ITGAL: variants seen among roughly 807,000 people sequenced by gnomAD.
ITGAL encodes the protein integrin subunit alpha L, also known as integrin alpha-L.
A neutral mutation model predicts 138.4 loss-of-function variants in ITGAL; 68 were observed. That is an observed-to-expected ratio of 0.49 (90% confidence interval 0.40 to 0.60). The LOEUF (loss-of-function observed/expected upper bound fraction) is 0.60, where lower values mean the gene tolerates loss of function less well. ITGAL is among the 20% of genes least tolerant of loss of function. The probability of loss-of-function intolerance (pLI) is 0.00; values close to 1 mark genes in which losing one functional copy is unlikely to be tolerated. For missense variants in ITGAL, 1,256 were observed against 1,478.6 expected (o/e 0.85, Z 2.47); for synonymous variants, 561 against 584.3 (o/e 0.96, Z 0.57).
intron 9 of ITGAL, among the ~76,000 whole-genome samples, chr16:30,484,591 C>G (rs1483758297): frequency 1.3e-5 from 2 of 150,978 alleles, no homozygotes; most frequent in Non-Finnish European, 2.9e-5. Context: ...GCCTGGGTGG[C>G]AGAGGAAGAC....
intron 7 of ITGAL, 63 bp downstream of exon 7, chr16:30,481,647 C>T: frequency 1.3e-6 from 2 of 1,518,034 alleles, no homozygotes; most frequent in Admixed American, 1.8e-5. Flanking sequence ...CTACCCACTT[C>T]CAGCTGCAGG....
chr16:30,499,734 T>TGTGTATATATATATATATATA (rs71149033), intron 17 of ITGAL, among the ~76,000 whole-genome samples: 1 of 76,642 alleles, frequency 1.3e-5, no homozygotes, highest in Non-Finnish European at 2.2e-5. Context: ...TATATATATA[T>TGTGTATATATATATATATATA]TTTTTTTTTT....
rs34461430 is a variant in ITGAL at position 30,510,717 on chromosome 16, G to A, written c.2620-164G>A. On this transcript the variant is annotated intron_variant, in intron 22 of 30. Coordinates refer to ENST00000356798, the MANE Select transcript of ITGAL (RefSeq NM_002209.3). ...TATAGACATAACTTAACCGTCTGGA[G>A]CCTTGGTTGCCTCATCTTTGCAATG... 3.9e-5 allele frequency among the ~76,000 whole-genome samples: 6 copies of A among 152,256 alleles called. No individual in the cohort carries two copies. In the East Asian group the frequency reaches 1.2e-3, roughly 29 times the overall value.
intron 4 of ITGAL, among the ~76,000 whole-genome samples, chr16:30,478,014 A>T (rs1420060576): frequency 6.6e-6 from 1 of 151,130 alleles, no homozygotes; most frequent in Non-Finnish European, 1.5e-5. Flanking sequence ...AAAAAGAAAG[A>T]TGAAGGAAGG....
chr16:30,483,280 T>C (rs2050585847), intron 7 of ITGAL: 1 of 152,566 alleles, frequency 6.6e-6, no homozygotes, highest in South Asian at 2.1e-4. Context: ...CATGGTCCTT[T>C]CCTTGAGGAA....
intron 20 of ITGAL, 43 bp from the exon 21 acceptor site, chr16:30,506,672 C>CCTGAT (rs1314841230): frequency 6.3e-7 from 1 of 1,577,214 alleles, no homozygotes; most frequent in Non-Finnish European, 8.7e-7. Flanking sequence ...TATTCCCCAC[C>CCTGAT]CTGATCCTCC....
intron 21 of ITGAL, among the ~76,000 whole-genome samples, chr16:30,507,975 C>T (rs1211253218): frequency 6.6e-6 from 1 of 151,998 alleles, no homozygotes; most frequent in Non-Finnish European, 1.5e-5. Flanking sequence ...GTGGCGCGAT[C>T]TCGGCTCACT....
chr16:30,499,651 G>GT (rs921668744), intron 17 of ITGAL, 162 bp downstream of exon 17: 32 of 347,818 alleles, frequency 9.2e-5, no homozygotes, highest in Non-Finnish European at 1.1e-4. Flanking sequence ...TTCTTCTAGT[G>GT]TTTTTTTTAA....
At chr16:30,512,585 T>C (rs2051105949) in intron 24 of ITGAL, among the ~76,000 whole-genome samples, 1 of 143,372 alleles carries the variant, frequency 7.0e-6, no homozygotes, top group African/African-American at 2.6e-5. Flanking sequence ...AGACCCTGTG[T>C]GAAAAAAAAA....
intron 24 of ITGAL, among the ~76,000 whole-genome samples, chr16:30,513,252 C>T (rs974550860): frequency 6.6e-5 from 10 of 152,116 alleles, no homozygotes; most frequent in African/African-American, 2.2e-4. Context: ...AGGGATTGGG[C>T]AGGATTAGCC....
At chr16:30,513,990 T>G (rs1197010727) in intron 25 of ITGAL, 144 bp downstream of exon 25, 2 of 659,656 alleles carry the variant, frequency 3.0e-6, no homozygotes, top group East Asian at 2.8e-5. Flanking sequence ...TGTCACAGCC[T>G]CCACTTACAG....
intron 2 of ITGAL, 46 bp downstream of exon 2, chr16:30,474,344 C>A: frequency 7.1e-7 from 1 of 1,416,636 alleles, no homozygotes; most frequent in Non-Finnish European, 9.8e-7. Flanking sequence ...CGCCCTGGGG[C>A]AGCCCCCGAG....
At chr16:30,486,314 G>A (rs2151149355) in intron 9 of ITGAL, among the ~76,000 whole-genome samples, 1 of 151,606 alleles carries the variant, frequency 6.6e-6, no homozygotes, top group Middle Eastern at 3.4e-3. Context: ...GGAGGCTAAA[G>A]TAGGAGAATC....
In ITGAL at chr16:30,479,175, G is replaced by C. The variant is rs754149542; in HGVS notation, c.412G>C (p.Gly138Arg). The change falls in exon 5 of 31, where the codon GGT (glycine) becomes CGT (arginine). Residue 138 changes from glycine to arginine, a missense_variant. Transcript: ENST00000356798. Reference protein sequence around the residue: ...LCYLFRQNLQGPMLQGRPGFQ... With the variant: ...LCYLFRQNLQRPMLQGRPGFQ... ...TTACCTCTTCCGCCAGAATCTGCAG[G>C]GTCCCATGCTGCAGGGGCGCCCTGG... The C allele has an allele frequency of 6.2e-7, 1 of 1,614,070 alleles. No homozygotes were observed. The highest frequency in any genetic ancestry group is 1.1e-5 in the South Asian group (1 of 91,076).
chr16:30,502,630 C>G (rs1273108623), intron 17 of ITGAL, among the ~76,000 whole-genome samples: 6 of 151,170 alleles, frequency 4.0e-5, no homozygotes, highest in Non-Finnish European at 8.8e-5. Flanking sequence ...CGCCTGTAAT[C>G]CCAGCTACTC....
chr16:30,479,288 A>T, intron 5 of ITGAL, 43 bp from the exon 6 acceptor site: 1 of 1,613,448 alleles, frequency 6.2e-7, no homozygotes, highest in Non-Finnish European at 8.5e-7. Flanking sequence ...CAGGTCAAAC[A>T]CCAGAGATGC....
At chr16:30,497,275 G>A (rs1230723369) in intron 15 of ITGAL, among the ~76,000 whole-genome samples, 12 of 151,440 alleles carry the variant, frequency 7.9e-5, no homozygotes, top group Admixed American at 7.2e-4. Context: ...CCCAGGAGGC[G>A]GAGCTTGCAG....
chr16:30,497,721 C>T (rs897116636), intron 15 of ITGAL, among the ~76,000 whole-genome samples: 21 of 151,832 alleles, frequency 1.4e-4, no homozygotes, highest in Non-Finnish European at 2.4e-4. Flanking sequence ...TCAAGGGATC[C>T]GCCCGTCTCG....
intron 9 of ITGAL, chr16:30,488,869 C>T: frequency 1.8e-6 from 1 of 557,454 alleles, no homozygotes; most frequent in Admixed American, 2.8e-5. Context: ...AGAGCAAGAC[C>T]TTGTTTCAAC....
Sources: allele counts gnomAD v4.1 joint callset (sites outside exome capture counted in the v4.1 genomes callset), GRCh38; gene constraint gnomAD v4.1.1; transcripts MANE v1.5; gene names NCBI Gene and HGNC (gene_info 2026-07-23, HGNC 2026-07-21).